The following NPHS1 variants were observed in gnomAD, a reference collection of about 807,000 sequenced individuals.
The protein encoded by NPHS1 is nephrin.
Under a neutral mutation model 139.7 loss-of-function variants are expected in NPHS1, and 107 were observed. The observed-to-expected ratio is 0.77, with a 90% CI of 0.66 to 0.90. The LOEUF is 0.90. Among genes scored for constraint, NPHS1 ranks in the 40% least tolerant of loss-of-function variants. NPHS1 has a pLI of 0.00. For missense variants in NPHS1, 1,580 were observed against 1,654.2 expected (o/e 0.96, Z 0.78); for synonymous variants, 707 against 706.6 (o/e 1.00, Z -0.01).
At chr19:35,849,782 G>A (rs1973206054) in intron 5 of NPHS1, 129 bp from the exon 6 acceptor site, 2 of 733,782 alleles carry the variant, frequency 2.7e-6, no homozygotes, top group Non-Finnish European at 4.8e-6. Context: ...TCTCCTCTGG[G>A]ATCCAGGGTT....
chr19:35,833,314 C>T (rs921530095), intron 23 of NPHS1, among the ~76,000 whole-genome samples: 1 of 152,162 alleles, frequency 6.6e-6, no homozygotes, highest in African/African-American at 2.4e-5. Flanking sequence ...GCAATCTCCC[C>T]TGTCTTCTAC....
rs532123637 is a variant in NPHS1, at chr19:35,849,159, G to C, written c.841-12C>G. 48 of 1,611,512 alleles carry C rather than the reference G, an allele frequency of 3.0e-5. No homozygotes were observed. In the Admixed American group the frequency reaches 8.0e-4, roughly 27 times the overall value. On this transcript the variant is annotated splice_polypyrimidine_tract_variant and intron_variant, in intron 7 of 28. Transcript: ENST00000378910. Reference sequence around the variant, plus strand: ...ACCGGCTGGCCATTCTGGAGACAGGGACAGGCCTGGGCCAGCTCAGGACTG... The same window carrying C: ...ACCGGCTGGCCATTCTGGAGACAGGCACAGGCCTGGGCCAGCTCAGGACTG...
At chr19:35,828,760 C>T (rs149386589) in intron 28 of NPHS1, among the ~76,000 whole-genome samples, 1 of 152,292 alleles carries the variant, frequency 6.6e-6, no homozygotes, top group Non-Finnish European at 1.5e-5. Flanking sequence ...TGAGGAAGAC[C>T]GTATGTCCCA....
At position 35,845,982 on chromosome 19, in the gene NPHS1, C is replaced by G; in HGVS notation, c.1627+26G>C. 6.4e-7 allele frequency: 1 copy of G among 1,552,728 alleles called. No homozygotes were observed. The highest frequency in any genetic ancestry group is 8.7e-7 in the Non-Finnish European group (1 of 1,147,164). ...GGCTCTGTCCCTCCCGCCCCGCCCC[C>G]GGGCCTCAGCAGTGCGAGCCCTCAC... On this transcript the variant is annotated intron_variant, in intron 12 of 28. Coordinates refer to ENST00000378910, the MANE Select transcript of NPHS1 (RefSeq NM_004646.4). This position sits in a 1 kb window ranked among gnomAD's most constrained non-coding sequence, Gnocchi z 5.5.
intron 8 of NPHS1, 80 bp from the exon 9 acceptor site, chr19:35,848,874 G>A: frequency 6.2e-7 from 1 of 1,611,478 alleles, no homozygotes; most frequent in Non-Finnish European, 8.5e-7. Context: ...ACTGGAGACA[G>A]ATGCTGAGAT....
At chr19:35,850,887 T>C in intron 4 of NPHS1, 74 bp downstream of exon 4, 1 of 1,573,412 alleles carries the variant, frequency 6.4e-7, no homozygotes. Context: ...AGAAGGGTAC[T>C]GGTCAGGAAC....
chr19:35,842,096 A>G (rs1599841529), intron 19 of NPHS1, 28 bp downstream of exon 19: 2 of 1,593,974 alleles, frequency 1.3e-6, no homozygotes, highest in East Asian at 4.5e-5. Context: ...CTGGGGCTGG[A>G]GTGCTGCCTG....
chr19:35,849,138 G>T lies in NPHS1; in HGVS notation c.850C>A (p.Pro284Thr). ...ATLQWLKNGQ[P>T]VSTAWGTEHT... The stretch of plus-strand genomic sequence containing the variant: ...TCTGTGCCCCACGCTGTGGACACCG[G>T]CTGGCCATTCTGGAGACAGGGACAG... The change falls in exon 8 of 29, where the codon CCG becomes ACG. Residue 284 changes from proline (P) to threonine (T), a missense_variant. Coordinates refer to ENST00000378910, the MANE Select transcript of NPHS1 (RefSeq NM_004646.4). 1 of 1,610,116 alleles carries T rather than the reference G, an allele frequency of 6.2e-7. No individual in the cohort carries two copies.
At chr19:35,847,202 C>G (rs1345591153) in intron 11 of NPHS1, among the ~76,000 whole-genome samples, 4 of 151,662 alleles carry the variant, frequency 2.6e-5, no homozygotes, top group African/African-American at 9.7e-5. Flanking sequence ...CCTGCCACCA[C>G]GCCTGGCTAA....
intron 11 of NPHS1, among the ~76,000 whole-genome samples, chr19:35,847,344 CTTTTTTTTTTTTTTTT>C (rs34920536): frequency 1.7e-5 from 1 of 59,882 alleles, no homozygotes; most frequent in Non-Finnish European, 3.0e-5. Flanking sequence ...TGTGCCCAGC[CTTTTTTTTTTTTTTTT>C]TTTTTTTTTT....
At chr19:35,830,085 G>A (rs62112227) in intron 28 of NPHS1, among the ~76,000 whole-genome samples, 14,036 of 152,234 alleles carry the variant, frequency 0.092, 886 homozygotes, top group Non-Finnish European at 0.14. Context: ...TTAACCAGTG[G>A]AGTAGATATG....
chr19:35,831,343 A>G lies in NPHS1; in HGVS notation c.3340T>C (p.Tyr1114His), dbSNP rs1181087294. The G allele has an allele frequency of 6.2e-7, 1 of 1,613,934 alleles. No individual in the cohort carries two copies. Among genetic ancestry groups the G allele is most frequent in the Non-Finnish European group, 8.5e-7 (1 of 1,179,980 alleles). Reference protein sequence around the residue: ...GSEEDRVRNEYEESQWTGERD... With the variant: ...GSEEDRVRNEHEESQWTGERD... ...TCTCCTGTCCACTGGCTCTCCTCAT[A>G]TTCGTTCCTGACTCGGTCCTCTTCC... is the stretch of plus-strand genomic sequence containing the variant. Residue 1114 changes from tyrosine (Y) to histidine (H), a missense_variant, in exon 26 of 29, where the codon TAT becomes CAT. Physicochemically the swap from Tyr to His is moderately conservative, Grantham distance 83. Coordinates refer to ENST00000378910, the MANE Select transcript of NPHS1 (RefSeq NM_004646.4).
At chr19:35,833,832 G>A (rs1972916292) in intron 23 of NPHS1, among the ~76,000 whole-genome samples, 1 of 152,152 alleles carries the variant, frequency 6.6e-6, no homozygotes, top group African/African-American at 2.4e-5. Context: ...GAGTAGCTGG[G>A]ACTGCAGGCA....
chr19:35,851,622 G>C lies in NPHS1; in HGVS notation c.109C>G (p.Leu37Val). 1 of 1,614,028 alleles carries C rather than the reference G, an allele frequency of 6.2e-7. No homozygotes were observed. The highest frequency in any genetic ancestry group is 8.5e-7 in the Non-Finnish European group (1 of 1,179,992). Residue 37 changes from leucine (L) to valine (V), a missense_variant, in exon 2 of 29, where the codon CTG becomes GTG. Physicochemically the swap from Leu to Val is conservative, Grantham distance 32 (BLOSUM62 1). Transcript: ENST00000378910. ...PASVPRGFWALPENLTVVEGA... is the reference protein window; with the variant it reads ...PASVPRGFWAVPENLTVVEGA... ...TCCACCACCGTCAGGTTTTCAGGCA[G>C]GGCCCAGAAGCCCCGGGGAACGGAG...
intron 28 of NPHS1, among the ~76,000 whole-genome samples, chr19:35,830,109 A>T (rs1429075074): frequency 6.6e-6 from 1 of 152,228 alleles, no homozygotes; most frequent in East Asian, 1.9e-4. Flanking sequence ...AATTATCTTT[A>T]AAAATTCATG....
At chr19:35,830,982 C>T (rs748967757) in intron 27 of NPHS1, 26 bp from the exon 28 acceptor site, 18 of 1,605,026 alleles carry the variant, frequency 1.1e-5, no homozygotes, top group African/African-American at 2.7e-5. Context: ...AAGGGAGACA[C>T]GATCAAGGCA....
intron 17 of NPHS1, among the ~76,000 whole-genome samples, 181 bp downstream of exon 17, chr19:35,843,291 T>C (rs1568453604): frequency 6.6e-6 from 1 of 152,218 alleles, no homozygotes; most frequent in African/African-American, 2.4e-5. Context: ...CCTGGCTGTC[T>C]AGCCATTTAT....
At chr19:35,843,944 C>T in intron 16 of NPHS1, 159 bp downstream of exon 16, 1 of 1,007,688 alleles carries the variant, frequency 9.9e-7, no homozygotes, top group Non-Finnish European at 1.4e-6. Context: ...GGGAGGGGTT[C>T]CGCAGTGGGC....
rs565553633 is a variant in NPHS1 at position 35,842,273 on chromosome 19, G to T, written c.2514C>A (p.Pro838=). 12 of 1,612,622 alleles carry T rather than the reference G, an allele frequency of 7.4e-6. No individual in the cohort carries two copies. In the South Asian group the frequency reaches 1.3e-4, roughly 18 times the overall value. The change falls in exon 19 of 29, where the codon CCC becomes CCA. Residue 838 remains proline (P), a synonymous_variant. Coordinates refer to ENST00000378910, the MANE Select transcript of NPHS1 (RefSeq NM_004646.4). The part of the protein sequence containing the change: ...RLLRLVVRFA[P]QVEHPTPLTK... The stretch of plus-strand genomic sequence containing the variant: ...TTAGGGGAGTGGGGTGCTCCACCTG[G>T]GGGGCAACTGGGAGGGGATGGGCAG...
Sources: gnomAD v4.1 joint callset for allele counts (sites outside exome capture counted in the v4.1 genomes callset) on GRCh38, gnomAD v4.1.1 for gene constraint, Gnocchi (gnomAD v3.1) non-coding constraint, MANE v1.5 for transcripts, NCBI Gene and HGNC (gene_info 2026-07-23, HGNC 2026-07-21) for gene names.